Variants in MAF observed in about 807,000 individuals in gnomAD.
The protein encoded by MAF is MAF bZIP transcription factor, also known as transcription factor Maf.
In MAF, 10 loss-of-function variants were observed where a neutral mutation model predicts 22.0. The observed-to-expected ratio is 0.45, with a 90% CI of 0.28 to 0.77. MAF has a LOEUF of 0.77. MAF is among the 30% of genes least tolerant of loss of function. The pLI is 0.12. For missense variants in MAF, 544 were observed against 548.4 expected, an observed-to-expected ratio of 0.99 and a Z score of 0.08; for synonymous variants, 337 against 255.8, an observed-to-expected ratio of 1.32 and a Z score of -3.03.
chr16:79,293,284 G>A, the MAF span, among the ~76,000 whole-genome samples: 1 of 152,068 alleles, frequency 6.6e-6, no homozygotes, highest in African/African-American at 2.4e-5. Flanking sequence ...AACAATAGGG[G>A]TGCCCAAAAC....
chr16:79,370,880 G>A, the MAF span, among the ~76,000 whole-genome samples: 13 of 151,840 alleles, frequency 8.6e-5, no homozygotes, highest in South Asian at 2.1e-4. Flanking sequence ...CATATTCACC[G>A]AACCACACCT....
chr16:79,282,407 G>C, the MAF span, among the ~76,000 whole-genome samples: 7 of 152,294 alleles, frequency 4.6e-5, no homozygotes, highest in East Asian at 1.2e-3. Context: ...CACTAATGTA[G>C]CATCAGTGAT....
chr16:79,447,104 G>A, the MAF span, among the ~76,000 whole-genome samples: 2 of 152,072 alleles, frequency 1.3e-5, no homozygotes, highest in Non-Finnish European at 2.9e-5. Flanking sequence ...CATACAAAGT[G>A]ACAACATGGG....
chr16:79,493,603 G>A, the MAF span, among the ~76,000 whole-genome samples: 1 of 152,200 alleles, frequency 6.6e-6, no homozygotes, highest in African/African-American at 2.4e-5. Context: ...ATGAGCCACT[G>A]TGCCCAGTCT....
the MAF span, among the ~76,000 whole-genome samples, chr16:79,287,928 G>A: frequency 1.3e-5 from 2 of 152,146 alleles, no homozygotes; most frequent in South Asian, 2.1e-4. Context: ...CCTCCTCATC[G>A]TAGCTCCGAT....
the MAF span, among the ~76,000 whole-genome samples, chr16:79,307,725 C>T: frequency 6.6e-6 from 1 of 152,162 alleles, no homozygotes; most frequent in South Asian, 2.1e-4. Context: ...CTCCCCATAC[C>T]TGTTTTTCTG....
At chr16:79,255,605 G>A in the MAF span, among the ~76,000 whole-genome samples, 1 of 152,136 alleles carries the variant, frequency 6.6e-6, no homozygotes, top group Non-Finnish European at 1.5e-5. Context: ...TAGCTGAGGG[G>A]GTCACAGACA....
the MAF span, among the ~76,000 whole-genome samples, chr16:79,562,090 C>T: frequency 6.6e-6 from 1 of 152,180 alleles, no homozygotes; most frequent in African/African-American, 2.4e-5. Context: ...ACTTGGAAAA[C>T]ATTCCCCCTT....
the MAF span, among the ~76,000 whole-genome samples, chr16:79,366,874 C>G: frequency 1.3e-5 from 2 of 152,216 alleles, no homozygotes; most frequent in Non-Finnish European, 2.9e-5. Flanking sequence ...TCTGGCCATA[C>G]AAACTCCTAC....
At chr16:79,210,321 A>T in the MAF span, among the ~76,000 whole-genome samples, 1 of 152,172 alleles carries the variant, frequency 6.6e-6, no homozygotes, top group African/African-American at 2.4e-5. Context: ...CCTATTTCTC[A>T]GTATGGACCT....
At chr16:79,562,029 G>A in the MAF span, among the ~76,000 whole-genome samples, 40 of 152,250 alleles carry the variant, frequency 2.6e-4, no homozygotes, top group Admixed American at 6.5e-4. Context: ...AAACCACTGG[G>A]CAGCTATTAC....
the MAF span, among the ~76,000 whole-genome samples, chr16:79,573,470 G>A: frequency 6.6e-6 from 1 of 152,026 alleles, no homozygotes; most frequent in South Asian, 2.1e-4. Flanking sequence ...AAAATTCCCC[G>A]CCCTTTCTTC....
the MAF span, among the ~76,000 whole-genome samples, chr16:79,254,724 A>T: frequency 9.9e-5 from 15 of 152,118 alleles, no homozygotes; most frequent in African/African-American, 2.9e-4. Flanking sequence ...CTCTCCACTC[A>T]GTTTGTCACC....
At chr16:79,519,781 C>T in the MAF span, among the ~76,000 whole-genome samples, 8 of 152,258 alleles carry the variant, frequency 5.3e-5, no homozygotes, top group African/African-American at 1.9e-4. Flanking sequence ...TCCTCTGAAC[C>T]CTGTGTTCAC....
At chr16:79,325,214 ACAC>A in the MAF span, among the ~76,000 whole-genome samples, 2 of 152,224 alleles carry the variant, frequency 1.3e-5, no homozygotes, top group Non-Finnish European at 2.9e-5. Context: ...TCAATCCACT[ACAC>A]AGGCAAATAC....
chr16:79,289,979 C>A, the MAF span, among the ~76,000 whole-genome samples: 1 of 151,734 alleles, frequency 6.6e-6, no homozygotes, highest in Admixed American at 6.6e-5. Flanking sequence ...GCCTCAGCCT[C>A]CTGAGTAGTT....
chr16:79,555,054 G>T, the MAF span, among the ~76,000 whole-genome samples: 1 of 152,168 alleles, frequency 6.6e-6, no homozygotes, highest in Non-Finnish European at 1.5e-5. Context: ...AAGGGAGCTG[G>T]CAGATACACT....
the MAF span, among the ~76,000 whole-genome samples, chr16:79,320,761 G>A: frequency 1.3e-5 from 2 of 152,198 alleles, no homozygotes; most frequent in African/African-American, 4.8e-5. Flanking sequence ...GTTTGGCAGG[G>A]CTTGGCACTT....
the MAF span, among the ~76,000 whole-genome samples, chr16:79,537,236 C>T: frequency 6.6e-6 from 1 of 152,192 alleles, no homozygotes; most frequent in Non-Finnish European, 1.5e-5. Flanking sequence ...CCTGTTCCAA[C>T]CTCGAAGTTT....
Sources: gnomAD v4.1 joint callset for allele counts (sites outside exome capture counted in the v4.1 genomes callset) on GRCh38, gnomAD v4.1.1 for gene constraint, MANE v1.5 for transcripts, NCBI Gene and HGNC (gene_info 2026-07-23, HGNC 2026-07-21) for gene names.